MAPK4: variants seen among roughly 807,000 people sequenced by gnomAD.
The protein encoded by MAPK4 is Erk3-related.
Under a neutral mutation model 47.7 loss-of-function variants are expected in MAPK4, and 22 were observed. The ratio of observed to expected loss-of-function variants is 0.46; its 90% CI spans 0.33 to 0.66. The LOEUF (loss-of-function observed/expected upper bound fraction) is 0.66. MAPK4 is among the 30% of genes least tolerant of loss of function. The pLI is 0.02. For missense variants in MAPK4, 736 were observed against 831.7 expected, an observed-to-expected ratio of 0.88 and a Z score of 1.42; for synonymous variants, 390 against 365.7, an observed-to-expected ratio of 1.07 and a Z score of -0.76.
intron 1 of MAPK4, among the ~76,000 whole-genome samples, chr18:50,605,442 A>G (rs2042574317): frequency 6.6e-6 from 1 of 152,174 alleles, no homozygotes; most frequent in South Asian, 2.1e-4. Context: ...TACTTCTCCT[A>G]GAGGTGGGTC....
chr18:50,594,703 C>A (rs1407062037), intron 1 of MAPK4, among the ~76,000 whole-genome samples: 1 of 151,954 alleles, frequency 6.6e-6, no homozygotes, highest in Non-Finnish European at 1.5e-5. Flanking sequence ...ACAAAAAGTA[C>A]AAATCATAAA....
At chr18:50,703,600 G>A (rs905194982) in intron 2 of MAPK4, among the ~76,000 whole-genome samples, 1 of 152,146 alleles carries the variant, frequency 6.6e-6, no homozygotes, top group African/African-American at 2.4e-5. Flanking sequence ...TCCTCTCCCA[G>A]GTATCGAGTT....
chr18:50,671,300 T>A (rs1044282927), intron 2 of MAPK4, among the ~76,000 whole-genome samples: 2 of 152,202 alleles, frequency 1.3e-5, no homozygotes, highest in Non-Finnish European at 2.9e-5. Flanking sequence ...GAGGACTGTT[T>A]ATGTTTAGGT....
intron 1 of MAPK4, among the ~76,000 whole-genome samples, chr18:50,610,875 G>A (rs1489120311): frequency 6.6e-6 from 1 of 152,116 alleles, no homozygotes; most frequent in Non-Finnish European, 1.5e-5. Flanking sequence ...GGCCTAATAT[G>A]TTACTTCTCC....
intron 1 of MAPK4, among the ~76,000 whole-genome samples, chr18:50,610,948 A>G (rs1228954686): frequency 2.6e-5 from 4 of 152,172 alleles, no homozygotes; most frequent in East Asian, 1.9e-4. Flanking sequence ...CTTGAACTAT[A>G]TAACTACCAG....
At chr18:50,563,343 C>A (rs767588590) in intron 1 of MAPK4, among the ~76,000 whole-genome samples, 1 of 152,118 alleles carries the variant, frequency 6.6e-6, no homozygotes, top group Admixed American at 6.5e-5. Context: ...GAAAACAAAC[C>A]GAATTTAGAG....
At chr18:50,646,165 G>A in intron 1 of MAPK4, among the ~76,000 whole-genome samples, 1 of 152,158 alleles carries the variant, frequency 6.6e-6, no homozygotes, top group Non-Finnish European at 1.5e-5. Flanking sequence ...CAGAGTTGGT[G>A]TTTTTTGTTT....
chr18:50,704,169 G>C (rs1431549110), intron 2 of MAPK4, among the ~76,000 whole-genome samples: 1 of 152,104 alleles, frequency 6.6e-6, no homozygotes, highest in African/African-American at 2.4e-5. Context: ...TCCAAAATCT[G>C]TCACGCCCTC....
At chr18:50,660,627 A>G (rs922582713) in intron 1 of MAPK4, among the ~76,000 whole-genome samples, 1 of 152,218 alleles carries the variant, frequency 6.6e-6, no homozygotes, top group African/African-American at 2.4e-5. Flanking sequence ...CAGCGTACAC[A>G]TGAGTGCCAC....
chr18:50,656,418 A>T (rs2043110385), intron 1 of MAPK4, among the ~76,000 whole-genome samples: 1 of 152,218 alleles, frequency 6.6e-6, no homozygotes. Context: ...GGATCCCCCC[A>T]TAGGGCTGCC....
chr18:50,587,800 C>G lies in MAPK4; in HGVS notation c.-871+27557C>G, dbSNP rs113251349. Among the ~76,000 whole-genome samples the G allele has an allele frequency of 5.4e-3, 816 of 152,276 alleles. 9 individuals are homozygous for G. The highest frequency in any genetic ancestry group is 0.019 in the African/African-American group (769 of 41,532). On this transcript the variant is annotated intron_variant, in intron 1 of 5. Transcript: ENST00000400384. Reference sequence around the variant, plus strand: ...CTGTAGTGCAGTGGCGCGATCTCGGCTCATTGCAACTTCTGCCTCCCGAGT... The same window carrying G: ...CTGTAGTGCAGTGGCGCGATCTCGGGTCATTGCAACTTCTGCCTCCCGAGT...
Position 50,730,041 on chromosome 18 carries a change from G to A in MAPK4, c.*187G>A, listed in dbSNP as rs1911474347. The stretch of plus-strand genomic sequence containing the variant: ...CTTAATAACTAGCCTTTAACCTGTG[G>A]GAGCGGGTTTGAACAGGACCCTGGC... On this transcript the variant is annotated 3_prime_UTR_variant, in exon 6 of 6. Transcript: ENST00000400384. 1.7e-6 allele frequency: 1 copy of A among 588,004 alleles called. No homozygotes were observed. The allele number at this position is 588,004 out of a possible 1,614,324, so 36.4% of individuals were successfully genotyped here.
intron 2 of MAPK4, among the ~76,000 whole-genome samples, chr18:50,698,906 T>TCC (rs1188300391): frequency 1.3e-5 from 2 of 151,902 alleles, no homozygotes; most frequent in African/African-American, 4.8e-5. Context: ...ACACCTGTAA[T>TCC]CCCCGCTATC....
chr18:50,588,773 C>T (rs1304651963), intron 1 of MAPK4, among the ~76,000 whole-genome samples: 1 of 152,148 alleles, frequency 6.6e-6, no homozygotes, highest in Non-Finnish European at 1.5e-5. Flanking sequence ...CCAGGCTGGT[C>T]TTGAACTCCT....
chr18:50,702,548 A>G (rs1051742350), intron 2 of MAPK4, among the ~76,000 whole-genome samples: 11 of 152,194 alleles, frequency 7.2e-5, no homozygotes, highest in Non-Finnish European at 1.5e-4. Flanking sequence ...CCAGCTTTTT[A>G]TAATTTTTAA....
intron 1 of MAPK4, among the ~76,000 whole-genome samples, chr18:50,648,201 T>G (rs1598864347): frequency 6.6e-6 from 1 of 151,822 alleles, no homozygotes; most frequent in Non-Finnish European, 1.5e-5. Flanking sequence ...TCTGAAGGTG[T>G]CAGGGTAACA....
At chr18:50,679,852 C>T (rs1239885157) in intron 2 of MAPK4, among the ~76,000 whole-genome samples, 1 of 152,142 alleles carries the variant, frequency 6.6e-6, no homozygotes, top group Non-Finnish European at 1.5e-5. Flanking sequence ...CCTCCCTGCC[C>T]TCCTTCCTGT....
At chr18:50,693,800 A>C (rs1477130764) in intron 2 of MAPK4, among the ~76,000 whole-genome samples, 10 of 146,876 alleles carry the variant, frequency 6.8e-5, no homozygotes, top group Non-Finnish European at 9.1e-5. Context: ...ACTAAGGCCT[A>C]GAGTGGCTAA....
At chr18:50,630,952 T>G (rs1220292338) in intron 1 of MAPK4, among the ~76,000 whole-genome samples, 1 of 152,194 alleles carries the variant, frequency 6.6e-6, no homozygotes, top group Non-Finnish European at 1.5e-5. Flanking sequence ...AGATCTTCAT[T>G]ACCCATGGAT....
Sources: gnomAD v4.1 joint callset for allele counts (sites outside exome capture counted in the v4.1 genomes callset) on GRCh38, gnomAD v4.1.1 for gene constraint, MANE v1.5 for transcripts, NCBI Gene and HGNC (gene_info 2026-07-23, HGNC 2026-07-21) for gene names.